CHST9: variants seen among roughly 807,000 people sequenced by gnomAD.
CHST9 encodes the protein carbohydrate sulfotransferase 9.
Under a neutral mutation model 44.4 loss-of-function variants are expected in CHST9, and 41 were observed. The observed-to-expected ratio is 0.92, with a 90% CI of 0.72 to 1.20. The LOEUF is 1.20. CHST9 is among the 50% of genes most tolerant of loss of function. CHST9 has a pLI of 0.00. For missense variants in CHST9, 504 were observed against 516.5 expected, an observed-to-expected ratio of 0.98 and a Z score of 0.23; for synonymous variants, 171 against 178.4, an observed-to-expected ratio of 0.96 and a Z score of 0.33.
intron 4 of CHST9, among the ~76,000 whole-genome samples, chr18:26,956,213 G>A (rs1341949358): frequency 4.6e-5 from 7 of 150,872 alleles, no homozygotes; most frequent in Non-Finnish European, 1.0e-4. Context: ...TCAGGAGGCT[G>A]AGGAAGGAGA....
chr18:27,101,321 G>A (rs2058168949), intron 2 of CHST9, among the ~76,000 whole-genome samples: 1 of 152,130 alleles, frequency 6.6e-6, no homozygotes, highest in Non-Finnish European at 1.5e-5. Flanking sequence ...GCCGGGCTCG[G>A]TGACTCACGC....
At chr18:27,060,793 T>A (rs1250675589) in intron 2 of CHST9, among the ~76,000 whole-genome samples, 1 of 152,154 alleles carries the variant, frequency 6.6e-6, no homozygotes, top group East Asian at 1.9e-4. Flanking sequence ...GCTAATGACA[T>A]GTACATTTAT....
chr18:27,128,010 C>T (rs543874409), intron 2 of CHST9, among the ~76,000 whole-genome samples: 1 of 152,038 alleles, frequency 6.6e-6, no homozygotes. Flanking sequence ...AGCTGCCTCT[C>T]TAGAAAACAG....
intron 2 of CHST9, 76 bp from the exon 3 acceptor site, chr18:27,048,579 T>A: frequency 8.0e-7 from 1 of 1,255,648 alleles, no homozygotes; most frequent in South Asian, 1.4e-5. Context: ...AAGCCCAGTT[T>A]ACAGCAATTT....
At chr18:27,184,886 C>T (rs112730532) in intron 1 of CHST9, among the ~76,000 whole-genome samples, 2,082 of 152,284 alleles carry the variant, frequency 0.014, 53 homozygotes, top group African/African-American at 0.048. Flanking sequence ...TCAGGATCCC[C>T]TCCTGCTCCC....
intron 4 of CHST9, among the ~76,000 whole-genome samples, chr18:26,975,309 G>A (rs953232745): frequency 1.2e-4 from 18 of 152,078 alleles, no homozygotes; most frequent in African/African-American, 4.1e-4. Flanking sequence ...TGGCATACAA[G>A]TATAATTTTG....
intron 4 of CHST9, among the ~76,000 whole-genome samples, chr18:27,023,827 T>C (rs1317638452): frequency 6.6e-6 from 1 of 152,212 alleles, no homozygotes; most frequent in East Asian, 1.9e-4. Flanking sequence ...GTAAACTTTT[T>C]CATATAAGGA....
At chr18:26,973,072 T>A (rs1462601617) in intron 4 of CHST9, among the ~76,000 whole-genome samples, 1 of 152,154 alleles carries the variant, frequency 6.6e-6, no homozygotes. Flanking sequence ...CTTTTTCATG[T>A]CTTAGCTCAA....
chr18:27,066,028 T>C (rs2057778458), intron 2 of CHST9, among the ~76,000 whole-genome samples: 1 of 151,948 alleles, frequency 6.6e-6, no homozygotes. Flanking sequence ...TAGCCCCCAG[T>C]AAAGGTGGCA....
rs1052188677 is a variant in CHST9 at position 26,915,153 on chromosome 18, CTTAAT to C, written c.*1101_*1105del. On this transcript the variant is annotated 3_prime_UTR_variant, in exon 6 of 6. Transcript: ENST00000618847. ...ATATTTAAACTTAAAAAGAAAATACCTTAATTTACTTATGCATAAGCCTATTAAAC... is the reference window on the plus strand; with the variant it reads ...ATATTTAAACTTAAAAAGAAAATACCTTACTTATGCATAAGCCTATTAAAC... 2.6e-6 allele frequency: 1 copy of C among 392,028 alleles called. No individual in the cohort carries two copies. Among genetic ancestry groups the C allele is most frequent in the African/African-American group, 2.1e-5 (1 of 48,418 alleles). The allele number at this position is 392,028 out of a possible 1,614,324, so 24.3% of individuals were successfully genotyped here. A position where few individuals can be genotyped will look rare whatever the true frequency, so the allele number is the denominator to read the frequency against.
At chr18:27,100,866 G>T (rs1000844017) in intron 2 of CHST9, among the ~76,000 whole-genome samples, 4 of 152,202 alleles carry the variant, frequency 2.6e-5, no homozygotes, top group African/African-American at 9.7e-5. Flanking sequence ...ATGTAATTCA[G>T]ACATGATGGT....
intron 2 of CHST9, among the ~76,000 whole-genome samples, chr18:27,060,713 G>A (rs919515535): frequency 2.6e-5 from 4 of 152,168 alleles, no homozygotes; most frequent in African/African-American, 9.7e-5. Flanking sequence ...CACATGACAT[G>A]CATAAAACAT....
chr18:27,146,894 T>C lies in CHST9; in HGVS notation c.-96-3989A>G, dbSNP rs569030276. Among the ~76,000 whole-genome samples the C allele has an allele frequency of 1.1e-4, 16 of 152,306 alleles. No homozygotes were observed. In the East Asian group the frequency reaches 2.7e-3, roughly 26 times the overall value. On this transcript the variant is annotated intron_variant, in intron 1 of 5. Coordinates refer to ENST00000618847, the MANE Select transcript of CHST9 (RefSeq NM_031422.6). ...TCTCTAACAATTATGAAAAGAAATA[T>C]AATTATTTCATTCTGTCATCTCTTT...
At position 27,066,538 on chromosome 18, in the gene CHST9, T is replaced by G. The variant is rs183018791; in HGVS notation, c.122-18035A>C. On this transcript the variant is annotated intron_variant, in intron 2 of 5. Coordinates refer to ENST00000618847, the MANE Select transcript of CHST9 (RefSeq NM_031422.6). Reference sequence around the variant, plus strand: ...TATTCCTAGCCTCAAGCAATCCCCTTGCCTTAGCCTCCCTCCCAAAAGAGT... The same window carrying G: ...TATTCCTAGCCTCAAGCAATCCCCTGGCCTTAGCCTCCCTCCCAAAAGAGT... Among the ~76,000 whole-genome samples, 203 of 152,262 alleles carry G rather than the reference T, an allele frequency of 1.3e-3. 12 individuals carry two copies. Among genetic ancestry groups the G allele is most frequent in the Admixed American group, 0.013 (203 of 15,282 alleles).
At chr18:27,021,114 A>G (rs1249990285) in intron 4 of CHST9, among the ~76,000 whole-genome samples, 1 of 152,130 alleles carries the variant, frequency 6.6e-6, no homozygotes, top group African/African-American at 2.4e-5. Context: ...GGGAAGAATG[A>G]AAGTTCAAGT....
intron 3 of CHST9, among the ~76,000 whole-genome samples, chr18:27,026,278 C>T (rs945210886): frequency 6.6e-5 from 10 of 152,200 alleles, no homozygotes; most frequent in South Asian, 2.1e-4. Context: ...TGGAAGTATA[C>T]TAGTTAGATA....
At chr18:26,918,611 C>G (rs1166650974) in intron 5 of CHST9, among the ~76,000 whole-genome samples, 1 of 152,044 alleles carries the variant, frequency 6.6e-6, no homozygotes, top group East Asian at 1.9e-4. Context: ...AATAATTTCT[C>G]TCAAATATTT....
intron 1 of CHST9, among the ~76,000 whole-genome samples, chr18:27,159,430 A>G (rs1418764081): frequency 6.6e-6 from 1 of 151,992 alleles, no homozygotes; most frequent in African/African-American, 2.4e-5. Context: ...GATATGTGGC[A>G]TTATTTCTGA....
intron 2 of CHST9, among the ~76,000 whole-genome samples, chr18:27,139,930 G>T (rs1209474231): frequency 6.6e-6 from 1 of 152,114 alleles, no homozygotes; most frequent in Non-Finnish European, 1.5e-5. Flanking sequence ...TAAAACATCT[G>T]TACTGATACT....
Sources: allele counts gnomAD v4.1 joint callset (sites outside exome capture counted in the v4.1 genomes callset), GRCh38; gene constraint gnomAD v4.1.1; transcripts MANE v1.5; gene names NCBI Gene and HGNC (gene_info 2026-07-23, HGNC 2026-07-21).